The following PITPNC1 variants were observed in gnomAD, a reference collection of about 807,000 sequenced individuals.
PITPNC1 encodes cytoplasmic phosphatidylinositol transfer protein 1.
In PITPNC1, 18 loss-of-function variants were observed where a neutral mutation model predicts 44.7. The ratio of observed to expected loss-of-function variants is 0.40; its 90% CI spans 0.28 to 0.60. The LOEUF (loss-of-function observed/expected upper bound fraction) is 0.60. Among genes scored for constraint, PITPNC1 ranks in the 20% least tolerant of loss-of-function variants. PITPNC1 has a pLI of 0.39. For missense variants in PITPNC1, 290 were observed against 418.4 expected, an observed-to-expected ratio of 0.69 and a Z score of 2.68; for synonymous variants, 141 against 149.6, an observed-to-expected ratio of 0.94 and a Z score of 0.42.
chr17:67,441,889 A>G (rs183359380), intron 1 of PITPNC1, among the ~76,000 whole-genome samples: 61 of 152,202 alleles, frequency 4.0e-4, no homozygotes, highest in Middle Eastern at 6.8e-3. Context: ...CCACTTAATT[A>G]GTTAACAGGA....
At chr17:67,420,854 C>T (rs544010741) in intron 1 of PITPNC1, among the ~76,000 whole-genome samples, 7 of 152,294 alleles carry the variant, frequency 4.6e-5, no homozygotes, top group African/African-American at 1.4e-4. Context: ...TTCTTCTGAT[C>T]AATCAATAGC....
intron 4 of PITPNC1, among the ~76,000 whole-genome samples, chr17:67,575,110 CCA>C (rs1393193686): frequency 1.4e-4 from 22 of 151,918 alleles, no homozygotes; most frequent in African/African-American, 4.8e-4. Context: ...AGACCCACAC[CCA>C]CGCTCCACAA....
chr17:67,387,718 C>G (rs1346229623), intron 1 of PITPNC1, among the ~76,000 whole-genome samples: 2 of 152,140 alleles, frequency 1.3e-5, no homozygotes, highest in Admixed American at 6.6e-5. Context: ...CTATTTATAT[C>G]CTCTATTATC....
intron 5 of PITPNC1, among the ~76,000 whole-genome samples, chr17:67,596,845 T>G (rs2041466845): frequency 6.6e-6 from 1 of 152,100 alleles, no homozygotes; most frequent in Non-Finnish European, 1.5e-5. Flanking sequence ...CCCCCTTGCT[T>G]TTCTATACTC....
chr17:67,427,885 T>C (rs138705745), intron 1 of PITPNC1, among the ~76,000 whole-genome samples: 137 of 152,362 alleles, frequency 9.0e-4, no homozygotes, highest in African/African-American at 3.1e-3. Flanking sequence ...GAGAGATTGA[T>C]GGATACCTAA....
At chr17:67,583,356 G>C (rs1048373802) in intron 5 of PITPNC1, among the ~76,000 whole-genome samples, 1 of 152,192 alleles carries the variant, frequency 6.6e-6, no homozygotes, top group South Asian at 2.1e-4. Flanking sequence ...GGGAGGCCGA[G>C]GCGGGAGGAT....
intron 5 of PITPNC1, among the ~76,000 whole-genome samples, chr17:67,585,119 A>G (rs2706690): frequency 0.16 from 15,589 of 98,246 alleles, 1,071 homozygotes; most frequent in African/African-American, 0.31. Flanking sequence ...TCCATCTCAG[A>G]AAAAAAAAAA....
intron 2 of PITPNC1, 33 bp from the exon 3 acceptor site, chr17:67,552,224 C>G: frequency 9.3e-7 from 1 of 1,075,110 alleles, no homozygotes; most frequent in Non-Finnish European, 1.4e-6. Context: ...TCTGAACAGA[C>G]TCCAATTGTC....
chr17:67,428,538 GAA>G (rs1218683922), intron 1 of PITPNC1, among the ~76,000 whole-genome samples: 5 of 89,628 alleles, frequency 5.6e-5, no homozygotes, highest in Admixed American at 1.2e-4. Flanking sequence ...ATCTCAAAAA[GAA>G]AAAAAAAAAA....
chr17:67,586,663 A>G (rs984119023), intron 5 of PITPNC1, among the ~76,000 whole-genome samples: 7 of 152,148 alleles, frequency 4.6e-5, no homozygotes, highest in Admixed American at 6.5e-5. Context: ...CCCTCTACCC[A>G]GTTTCCCCTT....
rs186257449 is a variant in PITPNC1, at chr17:67,392,762, C to A, written c.48+14560C>A. ...CCTAAAAGGAACTATTTGAAGAGGA[C>A]TGCACTTCACTGGATGTGTATATCC... On this transcript the variant is annotated intron_variant, in intron 1 of 8. Coordinates refer to ENST00000581322, the MANE Select transcript of PITPNC1 (RefSeq NM_012417.4). 3.2e-4 allele frequency among the ~76,000 whole-genome samples: 48 copies of A among 152,226 alleles called. 1 individual carries two copies. The East Asian group carries it at 6.8e-3, about 21-fold the overall frequency.
At chr17:67,550,922 G>A (rs1420856804) in intron 2 of PITPNC1, among the ~76,000 whole-genome samples, 6 of 152,050 alleles carry the variant, frequency 3.9e-5, no homozygotes, top group African/African-American at 1.4e-4. Context: ...TTAGCCGGGC[G>A]TGGTGGCTGG....
intron 1 of PITPNC1, among the ~76,000 whole-genome samples, chr17:67,455,161 T>C (rs1028079566): frequency 2.0e-5 from 3 of 152,222 alleles, no homozygotes; most frequent in African/African-American, 4.8e-5. Context: ...ATACTATGCA[T>C]ACTGCTTTGT....
At chr17:67,403,816 G>C (rs1315753637) in intron 1 of PITPNC1, among the ~76,000 whole-genome samples, 1 of 152,158 alleles carries the variant, frequency 6.6e-6, no homozygotes, top group East Asian at 1.9e-4. Flanking sequence ...GAGGTCAGGA[G>C]TTTGAGACCA....
chr17:67,611,168 G>A (rs972561630), intron 5 of PITPNC1: 1 of 152,212 alleles, frequency 6.6e-6, no homozygotes, highest in Non-Finnish European at 1.5e-5. Context: ...GATACTAGAA[G>A]AAGGTCTGAG....
Position 67,693,041 on chromosome 17 carries a change from T to A in PITPNC1, c.*153T>A. On this transcript the variant is annotated 3_prime_UTR_variant, in exon 9 of 9. Coordinates refer to ENST00000581322, the MANE Select transcript of PITPNC1 (RefSeq NM_012417.4). ...TGTGACTCAGTAACTTCACATAGAA[T>A]ATGATTCCCTAAGTATGCTACACAG... 1 of 604,530 alleles carries A rather than the reference T, an allele frequency of 1.7e-6. No homozygotes were observed. The highest frequency in any genetic ancestry group is 2.1e-5 in the South Asian group (1 of 48,606). 37.4% of individuals were successfully genotyped at this position (604,530 alleles called of 1,614,324 possible). A position where few individuals can be genotyped will look rare whatever the true frequency, so the allele number is the denominator to read the frequency against.
chr17:67,389,213 G>A (rs530521015), intron 1 of PITPNC1, among the ~76,000 whole-genome samples: 6 of 152,230 alleles, frequency 3.9e-5, no homozygotes, highest in Non-Finnish European at 7.3e-5. Flanking sequence ...CCACAACATG[G>A]CAGTTTGCTC....
At position 67,378,198 on chromosome 17, in the gene PITPNC1, A is replaced by T; in HGVS notation, c.44A>T (p.Asp15Val). Residue 15 changes from aspartate to valine, a missense_variant, in exon 1 of 9, where the codon GAC (aspartate) becomes GTC (valine). Asp to Val is a radical substitution (Grantham distance 152). Transcript: ENST00000581322. Reference sequence around the variant, plus strand: ...CGGATCTGCATGCCGCTCACCGTAGACGAGGTAAGCGCCGCGCCCGGCCCG... The same window carrying T: ...CGGATCTGCATGCCGCTCACCGTAGTCGAGGTAAGCGCCGCGCCCGGCCCG... The part of the protein sequence containing the change: ...EYRICMPLTV[D>V]EYKIGQLYMI... The T allele has an allele frequency of 6.5e-7, 1 of 1,540,376 alleles. No homozygotes were observed. The highest frequency in any genetic ancestry group is 8.7e-7 in the Non-Finnish European group (1 of 1,147,462).
intron 1 of PITPNC1, among the ~76,000 whole-genome samples, chr17:67,520,080 A>G (rs1432611044): frequency 1.3e-5 from 2 of 152,142 alleles, no homozygotes; most frequent in East Asian, 3.9e-4. Flanking sequence ...CATTCCTGAA[A>G]GATTTCTGCT....
Sources: gnomAD v4.1 joint callset for allele counts (sites outside exome capture counted in the v4.1 genomes callset) on GRCh38, gnomAD v4.1.1 for gene constraint, MANE v1.5 for transcripts, NCBI Gene and HGNC (gene_info 2026-07-23, HGNC 2026-07-21) for gene names.